Variants in HS6ST3 observed in about 807,000 individuals in gnomAD.
HS6ST3 encodes the protein heparan sulfate 6-O-sulfotransferase 3.
In HS6ST3, 12 loss-of-function variants were observed where a neutral mutation model predicts 36.7. The observed-to-expected ratio is 0.33, with a 90% confidence interval of 0.21 to 0.53. The LOEUF (loss-of-function observed/expected upper bound fraction) is 0.53. HS6ST3 is among the 20% of genes least tolerant of loss of function. HS6ST3 has a pLI of 0.95. For synonymous variants in HS6ST3, 240 were observed against 257.5 expected (o/e 0.93, Z 0.65); for missense variants, 584 against 640.9 (o/e 0.91, Z 0.96).
chr13:96,211,786 A>G (rs2054400391), intron 1 of HS6ST3, among the ~76,000 whole-genome samples: 1 of 152,194 alleles, frequency 6.6e-6, no homozygotes, highest in African/African-American at 2.4e-5. Context: ...TATGGAACTC[A>G]CTGAAATGTC....
intron 1 of HS6ST3, among the ~76,000 whole-genome samples, chr13:96,611,011 A>G (rs1192245112): frequency 1.3e-5 from 2 of 151,892 alleles, no homozygotes; most frequent in Non-Finnish European, 2.9e-5. Flanking sequence ...CTTAAAAACA[A>G]ACAAAGACCA....
At chr13:96,769,400 CTCG>C (rs1250813891) in intron 1 of HS6ST3, among the ~76,000 whole-genome samples, 1 of 150,096 alleles carries the variant, frequency 6.7e-6, no homozygotes, top group Non-Finnish European at 1.5e-5. Flanking sequence ...CACCCACTAA[CTCG>C]TCATCTAGCA....
chr13:96,372,814 T>G (rs914663453), intron 1 of HS6ST3, among the ~76,000 whole-genome samples: 1 of 152,216 alleles, frequency 6.6e-6, no homozygotes, highest in Non-Finnish European at 1.5e-5. Flanking sequence ...TCTGCTACTG[T>G]GCTCTCTATT....
At chr13:96,136,252 A>T (rs980227112) in intron 1 of HS6ST3, among the ~76,000 whole-genome samples, 4 of 152,162 alleles carry the variant, frequency 2.6e-5, no homozygotes, top group Non-Finnish European at 5.9e-5. Flanking sequence ...GTATTAGTTT[A>T]TTCTTCTATA....
At chr13:96,290,484 G>A (rs1304198268) in intron 1 of HS6ST3, among the ~76,000 whole-genome samples, 1 of 152,180 alleles carries the variant, frequency 6.6e-6, no homozygotes, top group Non-Finnish European at 1.5e-5. Context: ...TTCAGGGCAT[G>A]TGCCACAATA....
intron 1 of HS6ST3, among the ~76,000 whole-genome samples, chr13:96,663,323 C>T (rs2056652900): frequency 6.6e-6 from 1 of 152,170 alleles, no homozygotes; most frequent in African/African-American, 2.4e-5. Context: ...ACTTCTCTCC[C>T]ACAGTTCTCC....
At chr13:96,695,891 A>T (rs184536201) in intron 1 of HS6ST3, among the ~76,000 whole-genome samples, 10 of 152,316 alleles carry the variant, frequency 6.6e-5, no homozygotes, top group Admixed American at 3.9e-4. Context: ...GGGTTAAAGA[A>T]TCAGGCCTTC....
chr13:96,111,832 T>G (rs949889398), intron 1 of HS6ST3, among the ~76,000 whole-genome samples: 11 of 152,314 alleles, frequency 7.2e-5, no homozygotes, highest in Middle Eastern at 3.4e-3. Flanking sequence ...GAACTGCAGA[T>G]TTCATTGGAG....
At chr13:96,627,061 T>A (rs7330175) in intron 1 of HS6ST3, among the ~76,000 whole-genome samples, 5 of 151,972 alleles carry the variant, frequency 3.3e-5, no homozygotes, top group Admixed American at 6.6e-5. Context: ...CAGGGATCTC[T>A]CATCCAATGT....
chr13:96,274,814 A>T (rs1311946647), intron 1 of HS6ST3, among the ~76,000 whole-genome samples: 1 of 150,048 alleles, frequency 6.7e-6, no homozygotes, highest in Non-Finnish European at 1.5e-5. Context: ...AAATTCCATT[A>T]TCAGTGATTA....
chr13:96,110,473 G>T (rs1409400833), intron 1 of HS6ST3, among the ~76,000 whole-genome samples: 1 of 145,150 alleles, frequency 6.9e-6, no homozygotes, highest in Non-Finnish European at 1.5e-5. Context: ...GTCTCACTCT[G>T]TCGCCCAGGC....
intron 1 of HS6ST3, among the ~76,000 whole-genome samples, chr13:96,775,011 G>A (rs1053091123): frequency 6.6e-6 from 1 of 152,142 alleles, no homozygotes; most frequent in Non-Finnish European, 1.5e-5. Context: ...TGCCAGAAGA[G>A]AGTGGGGGCC....
chr13:96,795,556 T>G (rs1236247430), intron 1 of HS6ST3, among the ~76,000 whole-genome samples: 1 of 152,100 alleles, frequency 6.6e-6, no homozygotes, highest in Non-Finnish European at 1.5e-5. Context: ...TCTATTACAT[T>G]GGTGATTCTA....
chr13:96,650,102 T>C (rs2056602472), intron 1 of HS6ST3, among the ~76,000 whole-genome samples: 1 of 151,942 alleles, frequency 6.6e-6, no homozygotes, highest in Non-Finnish European at 1.5e-5. Context: ...CTCTATTCAG[T>C]GTGGCATGCT....
intron 1 of HS6ST3, among the ~76,000 whole-genome samples, chr13:96,197,421 C>G (rs1246837630): frequency 1.3e-5 from 2 of 152,104 alleles, no homozygotes; most frequent in Non-Finnish European, 2.9e-5. Flanking sequence ...AGCTACAATT[C>G]AAGTTGAGAT....
At chr13:96,481,178 A>AT (rs1246158160) in intron 1 of HS6ST3, among the ~76,000 whole-genome samples, 9 of 152,326 alleles carry the variant, frequency 5.9e-5, no homozygotes, top group Admixed American at 2.6e-4. Context: ...CCAGACACCA[A>AT]TTAAGTCAAA....
At chr13:96,425,846 A>G (rs1190780540) in intron 1 of HS6ST3, among the ~76,000 whole-genome samples, 1 of 151,950 alleles carries the variant, frequency 6.6e-6, no homozygotes, top group Non-Finnish European at 1.5e-5. Context: ...GGGCTTTTCA[A>G]TAGGTTAAAT....
chr13:96,564,585 A>G (rs1249595564), intron 1 of HS6ST3, among the ~76,000 whole-genome samples: 1 of 152,202 alleles, frequency 6.6e-6, no homozygotes, highest in African/African-American at 2.4e-5. Flanking sequence ...AAGAAGCACA[A>G]GGTCATGTAA....
chr13:96,775,878 T>G (rs2138510531), intron 1 of HS6ST3, among the ~76,000 whole-genome samples: 1 of 152,128 alleles, frequency 6.6e-6, no homozygotes, highest in East Asian at 1.9e-4. Context: ...CAAAATCAAA[T>G]GAGTATACAT....
Sources: gnomAD v4.1 joint callset for allele counts (sites outside exome capture counted in the v4.1 genomes callset) on GRCh38, gnomAD v4.1.1 for gene constraint, MANE v1.5 for transcripts, NCBI Gene and HGNC (gene_info 2026-07-23, HGNC 2026-07-21) for gene names.